The following PITPNM3 variants were observed in gnomAD, a reference collection of about 807,000 sequenced individuals.
The protein encoded by PITPNM3 is PITPNM family member 3, also known as membrane-associated phosphatidylinositol transfer protein 3.
A neutral mutation model predicts 102.0 loss-of-function variants in PITPNM3; 26 were observed. The ratio of observed to expected loss-of-function variants is 0.25; its 90% CI spans 0.19 to 0.35. PITPNM3 has a LOEUF of 0.35. Among genes scored for constraint, PITPNM3 ranks in the 10% least tolerant of loss-of-function variants. PITPNM3 has a pLI of 1.00. For synonymous variants in PITPNM3, 578 were observed against 558.6 expected (o/e 1.03, Z -0.49); for missense variants, 1,083 against 1,346.1 (o/e 0.80, Z 3.06).
At chr17:6,540,287 C>T (rs1487801340) in intron 1 of PITPNM3, among the ~76,000 whole-genome samples, 3 of 152,230 alleles carry the variant, frequency 2.0e-5, no homozygotes, top group African/African-American at 7.2e-5. Context: ...AGCTTACATT[C>T]TGCAGGCGGG....
At chr17:6,536,757 G>C (rs1042867482) in intron 2 of PITPNM3, among the ~76,000 whole-genome samples, 6 of 152,208 alleles carry the variant, frequency 3.9e-5, no homozygotes, top group African/African-American at 1.4e-4. Flanking sequence ...CCAGCACGTA[G>C]TCTGTTTCTC....
rs1166622594 is a variant in PITPNM3, at chr17:6,471,331, G to C, written c.1454C>G (p.Pro485Arg). The change falls in exon 12 of 20, where the codon CCC becomes CGC. Residue 485 changes from proline to arginine, a missense_variant. By Grantham distance (103) the Pro-to-Arg change is moderately radical. This residue lies in a region of PITPNM3 where 410 missense variants were observed against 638.4 expected (regional missense o/e 0.64). Coordinates refer to ENST00000262483, the MANE Select transcript of PITPNM3 (RefSeq NM_031220.4). Reference protein sequence around the residue: ...LLADALHTHSPLFLEGSSRDS... With the variant: ...LLADALHTHSRLFLEGSSRDS... ...CCGGGAGCTGCCCTCCAGGAAGAGGGGGCTGTGGGTGTGTAGGGCATCAGC... is the reference window on the plus strand; with the variant it reads ...CCGGGAGCTGCCCTCCAGGAAGAGGCGGCTGTGGGTGTGTAGGGCATCAGC... The C allele has an allele frequency of 1.9e-6, 3 of 1,605,146 alleles. No individual in the cohort carries two copies. Among genetic ancestry groups the C allele is most frequent in the Non-Finnish European group, 2.5e-6 (3 of 1,177,302 alleles).
At position 6,472,917 on chromosome 17, in the gene PITPNM3, C is replaced by G; in HGVS notation, c.1259-90G>C. The G allele has an allele frequency of 1.4e-6, 2 of 1,463,464 alleles. No homozygotes were observed. Among genetic ancestry groups the G allele is most frequent in the Non-Finnish European group, 9.4e-7 (1 of 1,062,850 alleles). The allele number at this position is 1,463,464 out of a possible 1,614,324, so 90.7% of individuals were successfully genotyped here. A position where few individuals can be genotyped will look rare whatever the true frequency, so the allele number is the denominator to read the frequency against. On this transcript the variant is annotated intron_variant, in intron 10 of 19. Transcript: ENST00000262483. This position sits in a 1 kb window ranked among gnomAD's most constrained non-coding sequence, Gnocchi z 4.1. ...CTCCCTGGAATGCAGCCTGGAGTAG[C>G]CTACTCCCCTCTCAAGAGCCTCCCC...
In PITPNM3 at chr17:6,464,738, T is replaced by C. The variant is rs1904672021; in HGVS notation, c.1924A>G (p.Ile642Val). The C allele has an allele frequency of 6.2e-7, 1 of 1,614,018 alleles. No homozygotes were observed. The highest frequency in any genetic ancestry group is 8.5e-7 in the Non-Finnish European group (1 of 1,180,030). Reference sequence around the variant, plus strand: ...ACCTGGGGGCCATCTTCAGCAGCAATCACATCATTGGCCCGGTGATTAGCC... The same window carrying C: ...ACCTGGGGGCCATCTTCAGCAGCAACCACATCATTGGCCCGGTGATTAGCC... Reference protein sequence around the residue: ...VTANHRANDVIAAEDGPQVLV... With the variant: ...VTANHRANDVVAAEDGPQVLV... The change falls in exon 15 of 20, where the codon ATT (isoleucine) becomes GTT (valine). Residue 642 changes from isoleucine to valine, a missense_variant. By Grantham distance (29) the Ile-to-Val change is conservative. Around this residue, in one of 5 missense-constraint regions of PITPNM3, gnomAD observed 410 missense variants for 638.4 expected, o/e 0.64. Transcript: ENST00000262483.
chr17:6,531,939 C>T (rs541448017), intron 2 of PITPNM3, among the ~76,000 whole-genome samples: 18 of 152,214 alleles, frequency 1.2e-4, no homozygotes, highest in African/African-American at 4.3e-4. Flanking sequence ...CCCATCTCTA[C>T]TAAAAATACA....
intron 4 of PITPNM3, among the ~76,000 whole-genome samples, chr17:6,496,946 G>A (rs1200627398): frequency 3.9e-5 from 6 of 152,004 alleles, no homozygotes; most frequent in Non-Finnish European, 5.9e-5. Context: ...GCACCAATGC[G>A]TTGGCATAGA....
intron 4 of PITPNM3, among the ~76,000 whole-genome samples, chr17:6,487,427 C>A (rs566718228): frequency 1.3e-5 from 2 of 152,238 alleles, no homozygotes; most frequent in South Asian, 4.1e-4. Flanking sequence ...GGGCACAGAG[C>A]CAGGACCACA....
chr17:6,476,775 G>A (rs954276972), intron 9 of PITPNM3, among the ~76,000 whole-genome samples: 1 of 152,246 alleles, frequency 6.6e-6, no homozygotes, highest in Non-Finnish European at 1.5e-5. Context: ...CTCAGAAAAG[G>A]ACGACTGTTC....
chr17:6,526,298 C>T (rs1287320400), intron 2 of PITPNM3, among the ~76,000 whole-genome samples: 1 of 152,182 alleles, frequency 6.6e-6, no homozygotes, highest in Non-Finnish European at 1.5e-5. Context: ...GGTACCATCC[C>T]TCATCCTACA....
At position 6,464,642 on chromosome 17, in the gene PITPNM3, C is replaced by A; in HGVS notation, c.2007+13G>T. 1.9e-6 allele frequency: 3 copies of A among 1,610,576 alleles called. No individual in the cohort carries two copies. The highest frequency in any genetic ancestry group is 2.2e-5 in the East Asian group (1 of 44,850). The stretch of plus-strand genomic sequence containing the variant: ...GTGGAGTGGCTGAGGAGGGGAGGCC[C>A]AGCCCCAGGTACCTTCTCTCCAGTC... On this transcript the variant is annotated intron_variant, in intron 15 of 19. Coordinates refer to ENST00000262483, the MANE Select transcript of PITPNM3 (RefSeq NM_031220.4).
At chr17:6,528,713 C>T (rs535960523) in intron 2 of PITPNM3, among the ~76,000 whole-genome samples, 1 of 152,172 alleles carries the variant, frequency 6.6e-6, no homozygotes, top group Non-Finnish European at 1.5e-5. Flanking sequence ...TGTGCACCCT[C>T]CCAACTCCCC....
chr17:6,504,362 T>A (rs1907364124), intron 3 of PITPNM3, among the ~76,000 whole-genome samples: 2 of 152,130 alleles, frequency 1.3e-5, no homozygotes, highest in South Asian at 4.1e-4. Context: ...GCCTCTCACA[T>A]GAAACTTCTC....
At chr17:6,521,423 A>T (rs886492729) in intron 3 of PITPNM3, 1 of 152,236 alleles carries the variant, frequency 6.6e-6, no homozygotes, top group African/African-American at 2.4e-5. Flanking sequence ...AAAACAAAAA[A>T]AATTGTTAAA....
chr17:6,526,789 G>A (rs992406560), intron 2 of PITPNM3, among the ~76,000 whole-genome samples: 4 of 152,202 alleles, frequency 2.6e-5, no homozygotes, highest in African/African-American at 9.7e-5. Flanking sequence ...GGAAACTGAG[G>A]CACAGAGTAG....
chr17:6,483,864 C>T (rs1345173344), intron 5 of PITPNM3, 112 bp from the exon 6 acceptor site: 3 of 944,130 alleles, frequency 3.2e-6, no homozygotes, highest in Non-Finnish European at 5.0e-6. Flanking sequence ...CACACGCACA[C>T]ACGGGGAGAC....
intron 6 of PITPNM3, chr17:6,479,659 C>T (rs1333889755): frequency 6.6e-6 from 1 of 152,252 alleles, no homozygotes; most frequent in African/African-American, 2.4e-5. Flanking sequence ...CACTGGGACT[C>T]GACAGAATCT....
chr17:6,522,531 T>C (rs1327682631), intron 3 of PITPNM3, among the ~76,000 whole-genome samples: 3 of 151,748 alleles, frequency 2.0e-5, no homozygotes, highest in African/African-American at 7.3e-5. Context: ...AAAATGCGAG[T>C]GTGGAGCCCA....
In PITPNM3 at chr17:6,468,458, C is replaced by T. The variant is rs566631493; in HGVS notation, c.1774-117G>A. ...GGGCCCTGCCCCTGCAACCCCCCAA[C>T]CTCACAGCCTGGAACCGTCAGGAGG... On this transcript the variant is annotated intron_variant, in intron 13 of 19. Transcript: ENST00000262483. This position sits in a 1 kb window ranked among gnomAD's most constrained non-coding sequence, Gnocchi z 5.2. The T allele has an allele frequency of 2.0e-5, 20 of 1,020,732 alleles. No individual in the cohort carries two copies. The African/African-American group carries it at 2.8e-4, about 14-fold the overall frequency. 63.2% of individuals were successfully genotyped at this position (1,020,732 alleles called of 1,614,324 possible).
At chr17:6,534,974 A>G (rs1366411100) in intron 2 of PITPNM3, among the ~76,000 whole-genome samples, 1 of 152,110 alleles carries the variant, frequency 6.6e-6, no homozygotes, top group Non-Finnish European at 1.5e-5. Context: ...GTCACCTGTG[A>G]AGACCTCCAC....
Sources: gnomAD v4.1 joint callset for allele counts (sites outside exome capture counted in the v4.1 genomes callset) on GRCh38, gnomAD v4.1.1 for gene constraint, gnomAD v4.1.1 regional missense constraint, Gnocchi (gnomAD v3.1) non-coding constraint, MANE v1.5 for transcripts, NCBI Gene and HGNC (gene_info 2026-07-23, HGNC 2026-07-21) for gene names.